Variants in KDM4C observed in about 807,000 individuals in gnomAD.
KDM4C encodes the protein lysine-specific demethylase 4C.
In KDM4C, 81 loss-of-function variants were observed where a neutral mutation model predicts 129.3. The observed-to-expected ratio is 0.63, with a 90% CI of 0.52 to 0.75. KDM4C has a LOEUF of 0.75. Among genes scored for constraint, KDM4C ranks in the 30% least tolerant of loss-of-function variants. The pLI, the probability that KDM4C is intolerant of heterozygous loss-of-function variation, is 0.00. For synonymous variants in KDM4C, 573 were observed against 456.1 expected (o/e 1.26, Z -3.26); for missense variants, 1,457 against 1,304.0 (o/e 1.12, Z -1.81).
intron 1 of KDM4C, among the ~76,000 whole-genome samples, chr9:6,762,230 T>C (rs969200825): frequency 6.6e-6 from 1 of 152,164 alleles, no homozygotes; most frequent in Non-Finnish European, 1.5e-5. Flanking sequence ...GTATTTCTCC[T>C]AACACTATCC....
rs1478801598 is a variant in KDM4C at position 6,758,206 on chromosome 9, A to T, written c.-18+3A>T. ...TCTCGCCCCAACCCGCGCGCCAGGT[A>T]ACCGCTTTTCCGGAGTCTGGGGGCC... On this transcript the variant is annotated splice_donor_region_variant and intron_variant, in intron 1 of 21. Transcript: ENST00000381309. This position sits in a 1 kb window ranked among gnomAD's most constrained non-coding sequence, Gnocchi z 4.6. The T allele has an allele frequency of 1.0e-6, 1 of 985,652 alleles. No individual in the cohort carries two copies. Among genetic ancestry groups the T allele is most frequent in the Non-Finnish European group, 1.2e-6 (1 of 830,262 alleles). 61.1% of individuals were successfully genotyped at this position (985,652 alleles called of 1,614,324 possible). A position where few individuals can be genotyped will look rare whatever the true frequency, so the allele number is the denominator to read the frequency against.
At chr9:6,866,553 C>T (rs1206332709) in intron 5 of KDM4C, among the ~76,000 whole-genome samples, 1 of 152,106 alleles carries the variant, frequency 6.6e-6, no homozygotes, top group Non-Finnish European at 1.5e-5. Flanking sequence ...GAATGGTATT[C>T]CTGCCATCGC....
intron 19 of KDM4C, among the ~76,000 whole-genome samples, chr9:7,145,127 G>T (rs561080104): frequency 3.9e-5 from 6 of 152,262 alleles, no homozygotes; most frequent in African/African-American, 1.4e-4. Flanking sequence ...GATCCTCAAA[G>T]GATGCTCCTC....
At chr9:7,051,005 T>A (rs1464282400) in intron 17 of KDM4C, among the ~76,000 whole-genome samples, 1 of 152,184 alleles carries the variant, frequency 6.6e-6, no homozygotes, top group Non-Finnish European at 1.5e-5. Context: ...AAAGAGCATG[T>A]CTTAACTGAA....
At chr9:6,849,425 G>A in intron 4 of KDM4C, 82 bp from the exon 5 acceptor site, 2 of 1,183,236 alleles carry the variant, frequency 1.7e-6, no homozygotes, top group Non-Finnish European at 2.3e-6. Flanking sequence ...AATTTTGGTG[G>A]ATAGTGGTTT....
chr9:7,008,852 T>A (rs901705962), intron 12 of KDM4C, among the ~76,000 whole-genome samples: 2 of 152,222 alleles, frequency 1.3e-5, no homozygotes, highest in African/African-American at 2.4e-5. Flanking sequence ...CCATGCCAGA[T>A]GGCCTGCCTA....
At chr9:7,122,465 A>G (rs1003725921) in intron 18 of KDM4C, among the ~76,000 whole-genome samples, 16 of 152,146 alleles carry the variant, frequency 1.1e-4, no homozygotes, top group Admixed American at 7.9e-4. Flanking sequence ...ATCACCTGTC[A>G]TGGGAGAGCA....
chr9:6,904,625 G>A (rs562989051), intron 8 of KDM4C, among the ~76,000 whole-genome samples: 4 of 152,186 alleles, frequency 2.6e-5, no homozygotes, highest in East Asian at 1.9e-4. Flanking sequence ...CTGTCACCTC[G>A]GCTTATTCCA....
chr9:6,851,406 A>C (rs1838820951), intron 5 of KDM4C, among the ~76,000 whole-genome samples: 1 of 152,170 alleles, frequency 6.6e-6, no homozygotes, highest in South Asian at 2.1e-4. Context: ...CTTAGCTTGG[A>C]GAGACTAGGA....
intron 8 of KDM4C, among the ~76,000 whole-genome samples, chr9:6,932,306 T>G (rs1038664767): frequency 6.6e-6 from 1 of 152,166 alleles, no homozygotes; most frequent in Non-Finnish European, 1.5e-5. Context: ...CTCTCCTGTT[T>G]CTGCGGCACA....
At chr9:6,858,971 G>C (rs1317999596) in intron 5 of KDM4C, among the ~76,000 whole-genome samples, 1 of 152,086 alleles carries the variant, frequency 6.6e-6, no homozygotes, top group Non-Finnish European at 1.5e-5. Context: ...ATATAGGAAA[G>C]TGGCTTTTTT....
intron 15 of KDM4C, among the ~76,000 whole-genome samples, chr9:7,040,427 C>G (rs534969604): frequency 7.2e-5 from 10 of 138,586 alleles, no homozygotes; most frequent in South Asian, 6.9e-4. Flanking sequence ...GTCTGTGTGT[C>G]TGTTTGTTGA....
chr9:6,928,337 C>T (rs551065335), intron 8 of KDM4C, among the ~76,000 whole-genome samples: 1 of 152,266 alleles, frequency 6.6e-6, no homozygotes, highest in East Asian at 1.9e-4. Flanking sequence ...TTTATGTGGT[C>T]GTTTGTCTTC....
At chr9:6,788,362 C>G (rs537877626) in intron 1 of KDM4C, among the ~76,000 whole-genome samples, 28 of 152,296 alleles carry the variant, frequency 1.8e-4, no homozygotes, top group African/African-American at 5.5e-4. Flanking sequence ...GGGAAATGCT[C>G]GGGCCACCCT....
At chr9:6,784,527 C>T (rs190316332) in intron 1 of KDM4C, among the ~76,000 whole-genome samples, 12 of 152,208 alleles carry the variant, frequency 7.9e-5, no homozygotes, top group East Asian at 7.7e-4. Context: ...CCACCACACT[C>T]GGCCCACTGT....
intron 16 of KDM4C, among the ~76,000 whole-genome samples, chr9:7,048,608 CATTA>C (rs1829736719): frequency 6.6e-6 from 1 of 151,990 alleles, no homozygotes; most frequent in African/African-American, 2.4e-5. Flanking sequence ...TAAAGATTAG[CATTA>C]ATTCTTTTGG....
At chr9:6,926,533 T>A (rs1036246115) in intron 8 of KDM4C, among the ~76,000 whole-genome samples, 1 of 152,162 alleles carries the variant, frequency 6.6e-6, no homozygotes, top group African/African-American at 2.4e-5. Context: ...AGAATAAAAA[T>A]GATTATTTCC....
intron 17 of KDM4C, among the ~76,000 whole-genome samples, chr9:7,069,476 C>T (rs576097400): frequency 2.1e-4 from 32 of 152,306 alleles, no homozygotes; most frequent in Non-Finnish European, 4.7e-4. Flanking sequence ...TGCACCACTG[C>T]ACTCCACCCT....
intron 8 of KDM4C, among the ~76,000 whole-genome samples, chr9:6,921,510 A>G (rs764255364): frequency 3.9e-5 from 6 of 152,292 alleles, no homozygotes; most frequent in Non-Finnish European, 8.8e-5. Flanking sequence ...TGTTGGCTCT[A>G]GAATCTCTGG....
Sources: gnomAD v4.1 joint callset for allele counts (sites outside exome capture counted in the v4.1 genomes callset) on GRCh38, gnomAD v4.1.1 for gene constraint, Gnocchi (gnomAD v3.1) non-coding constraint, MANE v1.5 for transcripts, NCBI Gene and HGNC (gene_info 2026-07-23, HGNC 2026-07-21) for gene names.